The following COL22A1 variants were observed in gnomAD, a reference collection of about 807,000 sequenced individuals.
COL22A1 encodes the protein collagen type XXII alpha 1 chain.
COL22A1 carries 221 observed loss-of-function variants against 248.9 expected under a neutral mutation model. The observed-to-expected ratio is 0.89, with a 90% CI of 0.80 to 0.99. The LOEUF is 0.99. Ranked by LOEUF, COL22A1 falls within the 50% of genes least tolerant of loss-of-function variation. The probability of loss-of-function intolerance (pLI) is 0.00; values close to 1 mark genes in which losing one functional copy is unlikely to be tolerated. For synonymous variants in COL22A1, 891 were observed against 793.4 expected (o/e 1.12, Z -2.07); for missense variants, 2,240 against 2,179.0 (o/e 1.03, Z -0.56).
intron 40 of COL22A1, among the ~76,000 whole-genome samples, chr8:138,678,647 A>T (rs1166215874): frequency 6.6e-6 from 1 of 152,112 alleles, no homozygotes; most frequent in Non-Finnish European, 1.5e-5. Flanking sequence ...CATGTGATTT[A>T]TCTGTCACCA....
At position 138,722,852 on chromosome 8, in the gene COL22A1, G is replaced by GT. The variant is rs1242649124; in HGVS notation, c.2248-764_2248-763insA. ...AATGATATCGGGTCACATGGGGGCG[G>GT]GGGGGGGGTGGTGGAAAACACACCC... On this transcript the variant is annotated intron_variant, in intron 25 of 64. Coordinates refer to ENST00000303045, the MANE Select transcript of COL22A1 (RefSeq NM_152888.3). 7.0e-5 allele frequency among the ~76,000 whole-genome samples: 9 copies of GT among 128,572 alleles called. 1 individual carries two copies. The highest frequency in any genetic ancestry group is 2.3e-4 in the Admixed American group (3 of 12,766). The allele number at this position is 128,572 out of a possible 152,430, so 84.3% of individuals were successfully genotyped here. A position where few individuals can be genotyped will look rare whatever the true frequency, so the allele number is the denominator to read the frequency against.
chr8:138,670,613 C>A (rs976982981), intron 41 of COL22A1, among the ~76,000 whole-genome samples: 2 of 150,652 alleles, frequency 1.3e-5, no homozygotes, highest in South Asian at 2.1e-4. Flanking sequence ...AGAAAAAAAA[C>A]CACACAGGCT....
At chr8:138,684,540 G>C in intron 38 of COL22A1, 71 bp from the exon 39 acceptor site, 1 of 1,071,514 alleles carries the variant, frequency 9.3e-7, no homozygotes, top group East Asian at 2.4e-5. Flanking sequence ...CCACGTGCCA[G>C]GCTGACTGCA....
chr8:138,635,212 CT>C lies in COL22A1; in HGVS notation c.3556-150del. The C allele has an allele frequency of 6.8e-6, 4 of 583,982 alleles. No individual in the cohort carries two copies. In the South Asian group the frequency reaches 9.0e-5, roughly 13 times the overall value. The allele number at this position is 583,982 out of a possible 1,614,324, so 36.2% of individuals were successfully genotyped here. ...AAGACACTGACAATAAAAGGGACTT[CT>C]TTTTATATATCTCAATAATAACTGA... On this transcript the variant is annotated intron_variant, in intron 48 of 64. Coordinates refer to ENST00000303045, the MANE Select transcript of COL22A1 (RefSeq NM_152888.3).
intron 16 of COL22A1, among the ~76,000 whole-genome samples, chr8:138,763,488 T>C (rs1833677893): frequency 6.6e-6 from 1 of 152,208 alleles, no homozygotes; most frequent in Non-Finnish European, 1.5e-5. Flanking sequence ...CCCCTAGCTG[T>C]GCCCTGGTTT....
At chr8:138,702,456 C>A (rs1383819340) in intron 31 of COL22A1, among the ~76,000 whole-genome samples, 1 of 152,046 alleles carries the variant, frequency 6.6e-6, no homozygotes, top group Non-Finnish European at 1.5e-5. Context: ...AGTGCACAGG[C>A]TCTCTCCTCT....
chr8:138,757,940 A>C (rs1833157301), intron 18 of COL22A1, among the ~76,000 whole-genome samples: 1 of 152,170 alleles, frequency 6.6e-6, no homozygotes, highest in African/African-American at 2.4e-5. Context: ...GGGACCTCCC[A>C]CACCATCCCC....
At chr8:138,870,797 AGTGT>A in intron 3 of COL22A1, among the ~76,000 whole-genome samples, 1 of 144,706 alleles carries the variant, frequency 6.9e-6, no homozygotes, top group South Asian at 2.2e-4. Context: ...TAGTGTGGAG[AGTGT>A]GTGTGGTGTG....
intron 1 of COL22A1, among the ~76,000 whole-genome samples, chr8:138,889,628 G>A (rs1266416922): frequency 2.0e-5 from 3 of 152,124 alleles, no homozygotes; most frequent in Non-Finnish European, 4.4e-5. Context: ...ACGAGTTAGT[G>A]GGTGCAGCAC....
intron 47 of COL22A1, among the ~76,000 whole-genome samples, chr8:138,641,522 C>T (rs983716698): frequency 3.3e-5 from 5 of 152,192 alleles, no homozygotes; most frequent in Non-Finnish European, 5.9e-5. Flanking sequence ...CTCCTTTACA[C>T]GGATCATAAC....
At chr8:138,664,748 C>A (rs1267282070) in intron 41 of COL22A1, among the ~76,000 whole-genome samples, 1 of 152,174 alleles carries the variant, frequency 6.6e-6, no homozygotes, top group African/African-American at 2.4e-5. Flanking sequence ...AAGAACATAG[C>A]CGACTAGAGC....
chr8:138,602,604 G>A (rs975797833), intron 59 of COL22A1, among the ~76,000 whole-genome samples: 5 of 152,064 alleles, frequency 3.3e-5, no homozygotes, highest in Non-Finnish European at 5.9e-5. Context: ...CTCTCTGTCC[G>A]GATACCTACT....
At chr8:138,654,812 C>A (rs190149014) in intron 45 of COL22A1, among the ~76,000 whole-genome samples, 1 of 152,124 alleles carries the variant, frequency 6.6e-6, no homozygotes, top group Non-Finnish European at 1.5e-5. Context: ...CTATCTTGGC[C>A]GAGTTATGTT....
intron 6 of COL22A1, among the ~76,000 whole-genome samples, chr8:138,823,397 C>T (rs1819320388): frequency 6.6e-6 from 1 of 152,138 alleles, no homozygotes; most frequent in African/African-American, 2.4e-5. Context: ...GTTCTCACAT[C>T]CCAAGATGTG....
chr8:138,668,671 C>A (rs958995364), intron 41 of COL22A1, among the ~76,000 whole-genome samples: 1 of 152,162 alleles, frequency 6.6e-6, no homozygotes, highest in Non-Finnish European at 1.5e-5. Flanking sequence ...TTTTATTCTC[C>A]GTAATCTTTG....
At chr8:138,600,139 C>A (rs944828568) in intron 60 of COL22A1, among the ~76,000 whole-genome samples, 1 of 152,190 alleles carries the variant, frequency 6.6e-6, no homozygotes, top group Admixed American at 6.5e-5. Context: ...GATTTGGGAA[C>A]TATGGCAAGC....
At chr8:138,911,697 C>T (rs1476723378) in intron 1 of COL22A1, among the ~76,000 whole-genome samples, 1 of 152,224 alleles carries the variant, frequency 6.6e-6, no homozygotes, top group Non-Finnish European at 1.5e-5. Context: ...ACACACAAAG[C>T]CTTAAAACTG....
In COL22A1 at chr8:138,619,604, G is replaced by C. The variant is rs1271214775; in HGVS notation, c.3772-96C>G. ...GTTTCCTACCAATCTATTCCCACAA[G>C]CCAGTTTCTATCCACCCTGTCAGCC... On this transcript the variant is annotated intron_variant, in intron 52 of 64. Transcript: ENST00000303045. The C allele has an allele frequency of 2.5e-6, 3 of 1,199,242 alleles. No individual in the cohort carries two copies. In the Admixed American group the frequency reaches 5.1e-5, roughly 21 times the overall value. The allele number at this position is 1,199,242 out of a possible 1,614,324, so 74.3% of individuals were successfully genotyped here.
chr8:138,633,836 A>G (rs1820924777), intron 49 of COL22A1, among the ~76,000 whole-genome samples: 1 of 152,240 alleles, frequency 6.6e-6, no homozygotes, highest in Non-Finnish European at 1.5e-5. Context: ...GTTAAATGAC[A>G]GCAAACTGAT....
Sources: gnomAD v4.1 joint callset for allele counts (sites outside exome capture counted in the v4.1 genomes callset) on GRCh38, gnomAD v4.1.1 for gene constraint, MANE v1.5 for transcripts, NCBI Gene and HGNC (gene_info 2026-07-23, HGNC 2026-07-21) for gene names.